Variants in SHBG observed in about 807,000 individuals in gnomAD.
SHBG encodes sex hormone binding globulin.
SHBG carries 37 observed loss-of-function variants against 41.9 expected under a neutral mutation model. The observed-to-expected ratio is 0.88, with a 90% confidence interval of 0.68 to 1.16. SHBG has a LOEUF of 1.16. Among genes scored for constraint, SHBG ranks in the 50% most tolerant of loss-of-function variants. The pLI, the probability that SHBG is intolerant of heterozygous loss-of-function variation, is 0.00. For synonymous variants in SHBG, 217 were observed against 205.8 expected, an observed-to-expected ratio of 1.05 and a Z score of -0.47; for missense variants, 466 against 499.9, an observed-to-expected ratio of 0.93 and a Z score of 0.65.
chr17:7,625,939 C>T (rs1231360548), upstream of SHBG, among the ~76,000 whole-genome samples: 3 of 151,424 alleles, frequency 2.0e-5, no homozygotes, highest in African/African-American at 7.3e-5. Flanking sequence ...TGCAGTGGCT[C>T]ACACCAGTAA....
intron 1 of SHBG, among the ~76,000 whole-genome samples, chr17:7,617,843 C>T (rs1450406967): frequency 6.6e-6 from 1 of 152,032 alleles, no homozygotes; most frequent in Admixed American, 6.6e-5. Flanking sequence ...TGGCACTTTG[C>T]GAGGCTGAAG....
upstream of SHBG, chr17:7,627,181 A>C: frequency 3.1e-6 from 5 of 1,614,112 alleles, no homozygotes; most frequent in Non-Finnish European, 4.2e-6. This position sits in a 1 kb window ranked among gnomAD's most constrained non-coding sequence, Gnocchi z 4.8. Flanking sequence ...CTCTGCTACC[A>C]AACAGTGATA....
At chr17:7,620,626 A>ATT (rs57679468) in intron 1 of SHBG, among the ~76,000 whole-genome samples, 80 of 144,332 alleles carry the variant, frequency 5.5e-4, no homozygotes, top group Admixed American at 5.2e-3. Context: ...CAGATTAATA[A>ATT]TTTTTTTTTT....
chr17:7,633,259 G>A lies in SHBG; in HGVS notation c.1116G>A (p.Arg372=). ...CLNGLWAQGQ[R]LDVDQALNRS... is the part of the protein sequence containing the mutation. ...ATGGCCTTTGGGCACAAGGTCAGAG[G>A]CTGGATGTGGACCAGGCCCTGAACA... The change falls in exon 8 of 8, where the codon AGG becomes AGA. Residue 372 remains arginine (R), a synonymous_variant. Coordinates refer to ENST00000380450, the MANE Select transcript of SHBG (RefSeq NM_001040.5). 7 of 1,614,118 alleles carry A rather than the reference G, an allele frequency of 4.3e-6. No individual in the cohort carries two copies. Among genetic ancestry groups the A allele is most frequent in the Non-Finnish European group, 5.9e-6 (7 of 1,180,028 alleles).
At chr17:7,625,190 C>T (rs574833323), upstream of SHBG, among the ~76,000 whole-genome samples, 21 of 151,730 alleles carry the variant, frequency 1.4e-4, no homozygotes, top group East Asian at 3.3e-3. Context: ...CTCAGATGAT[C>T]GACCCGCCTC....
chr17:7,626,396 C>G, upstream of SHBG: 3 of 1,600,140 alleles, frequency 1.9e-6, no homozygotes, highest in Non-Finnish European at 2.6e-6. Context: ...AAGAGTGCTT[C>G]AGCTGATGGG....
chr17:7,626,033 C>T (rs1385417655), upstream of SHBG, among the ~76,000 whole-genome samples: 1 of 148,044 alleles, frequency 6.8e-6, no homozygotes, highest in Admixed American at 6.8e-5. Flanking sequence ...GAAACACCGT[C>T]TCTACTAAAA....
In SHBG at chr17:7,632,698, G is replaced by T. The variant is rs1230337198; in HGVS notation, c.853-54G>T. The T allele has an allele frequency of 8.5e-6, 12 of 1,413,168 alleles. No homozygotes were observed. The East Asian group carries it at 1.1e-4, about 13-fold the overall frequency. The allele number at this position is 1,413,168 out of a possible 1,614,324, so 87.5% of individuals were successfully genotyped here. Reference sequence around the variant, plus strand: ...CTAGGGGTGAGGCCACAGGCAGTAGGCCCGGCTCATTCTTCCCTCTCTCTC... The same window carrying T: ...CTAGGGGTGAGGCCACAGGCAGTAGTCCCGGCTCATTCTTCCCTCTCTCTC... On this transcript the variant is annotated intron_variant, in intron 6 of 7. Transcript: ENST00000380450.
At chr17:7,626,059 T>G (rs1453652582), upstream of SHBG, among the ~76,000 whole-genome samples, 2 of 151,522 alleles carry the variant, frequency 1.3e-5, no homozygotes, top group Admixed American at 6.6e-5. Flanking sequence ...CCGGGCATGG[T>G]GGTGCGCACC....
intron 1 of SHBG, chr17:7,614,394 T>G (rs2071918425): frequency 7.8e-7 from 1 of 1,285,126 alleles, no homozygotes; most frequent in African/African-American, 1.5e-5. Flanking sequence ...CACGCGTTCC[T>G]GCTCCGGCCA....
intron 1 of SHBG, among the ~76,000 whole-genome samples, chr17:7,622,543 G>C (rs922965696): frequency 6.6e-6 from 1 of 152,020 alleles, no homozygotes. Flanking sequence ...AAAGTGCTGG[G>C]ATTACAGGCG....
chr17:7,628,781 C>T (rs2072306517), upstream of SHBG, among the ~76,000 whole-genome samples: 1 of 152,002 alleles, frequency 6.6e-6, no homozygotes. Context: ...ATGGGGTGGG[C>T]ACAGTGGCTC....
rs142693170 is a variant in SHBG, at chr17:7,633,336, C to A, written c.1193C>A (p.Thr398Asn). 67 of 1,614,024 alleles carry A rather than the reference C, an allele frequency of 4.2e-5. No individual in the cohort carries two copies. In the African/African-American group the frequency reaches 7.2e-4, roughly 17 times the overall value. Residue 398 changes from threonine to asparagine, a missense_variant, in exon 8 of 8, where the codon ACT (threonine) becomes AAT (asparagine). Thr to Asn is a moderately conservative substitution (Grantham distance 65, BLOSUM62 0). Coordinates refer to ENST00000380450, the MANE Select transcript of SHBG (RefSeq NM_001040.5). ...TGCCCCCAGAGCCCAGGCAATGGCA[C>A]TGACGCTTCCCATTAAAGCTCCACC... ...HSCPQSPGNG[T>N]DASH
upstream of SHBG, chr17:7,626,256 A>AT (rs1185317570): frequency 9.8e-5 from 58 of 594,388 alleles, no homozygotes; most frequent in African/African-American, 7.7e-4. Context: ...ATTCTTATTT[A>AT]TTTTTCACCC....
upstream of SHBG, chr17:7,626,270 A>G (rs1263793843): frequency 2.2e-5 from 14 of 650,986 alleles, no homozygotes; most frequent in South Asian, 4.0e-5. Flanking sequence ...TTCACCCTCA[A>G]CAAGGAAGAA....
In SHBG at chr17:7,630,243, C is replaced by T. The variant is rs369650518; in HGVS notation, c.71C>T (p.Thr24Ile). 1.2e-6 allele frequency: 2 copies of T among 1,610,408 alleles called. No individual in the cohort carries two copies. The highest frequency in any genetic ancestry group is 1.3e-5 in the African/African-American group (1 of 74,798). The change falls in exon 1 of 8, where the codon ACC (threonine) becomes ATC (isoleucine). Residue 24 changes from threonine to isoleucine, a missense_variant. Coordinates refer to ENST00000380450, the MANE Select transcript of SHBG (RefSeq NM_001040.5). This position sits in a 1 kb window ranked among gnomAD's most constrained non-coding sequence, Gnocchi z 4.6. Reference sequence around the variant, plus strand: ...CTGCTGTTGCTACTACTGCGTCACACCCGCCAGGGATGGGCCCTGAGACCT... The same window carrying T: ...CTGCTGTTGCTACTACTGCGTCACATCCGCCAGGGATGGGCCCTGAGACCT... ...LLLLLLLLRH[T>I]RQGWALRPVL...
Position 7,632,775 on chromosome 17 carries a change from G to C in SHBG, c.876G>C (p.Ser292=). The C allele has an allele frequency of 6.2e-7, 1 of 1,613,698 alleles. No homozygotes were observed. Among genetic ancestry groups the C allele is most frequent in the South Asian group, 1.1e-5 (1 of 91,050 alleles). ...QDQKVVLSSG[S]GPGLDLPLVL... is the part of the protein sequence containing the mutation. ...AGAAGGTGGTGTTGTCTTCTGGGTCGGGGCCAGGGCTGGATCTGCCCCTGG... is the reference window on the plus strand; with the variant it reads ...AGAAGGTGGTGTTGTCTTCTGGGTCCGGGCCAGGGCTGGATCTGCCCCTGG... Residue 292 remains serine, a synonymous_variant, in exon 7 of 8, where the codon TCG becomes TCC. Coordinates refer to ENST00000380450, the MANE Select transcript of SHBG (RefSeq NM_001040.5).
At chr17:7,631,434 C>T in intron 4 of SHBG, 73 bp downstream of exon 4, 2 of 1,582,286 alleles carry the variant, frequency 1.3e-6, no homozygotes, top group African/African-American at 2.7e-5. Context: ...CCGTGGGAAT[C>T]TAAGTCCACA....
In SHBG at chr17:7,632,679, G is replaced by A; in HGVS notation, c.853-73G>A. On this transcript the variant is annotated intron_variant, in intron 6 of 7. Transcript: ENST00000380450. ...AGAGGCAGAATTAAGGCAGCTAGGG[G>A]TGAGGCCACAGGCAGTAGGCCCGGC... is the stretch of plus-strand genomic sequence containing the variant. 3.4e-6 allele frequency: 4 copies of A among 1,172,060 alleles called. No homozygotes were observed. The East Asian group carries it at 7.0e-5, about 21-fold the overall frequency. The allele number at this position is 1,172,060 out of a possible 1,614,324, so 72.6% of individuals were successfully genotyped here.
Sources: gnomAD v4.1 joint callset for allele counts (sites outside exome capture counted in the v4.1 genomes callset) on GRCh38, gnomAD v4.1.1 for gene constraint, Gnocchi (gnomAD v3.1) non-coding constraint, MANE v1.5 for transcripts, NCBI Gene and HGNC (gene_info 2026-07-23, HGNC 2026-07-21) for gene names.